The following PLCB1 variants were observed in gnomAD, a reference collection of about 807,000 sequenced individuals.
PLCB1 encodes phospholipase C beta 1, also known as 1-phosphatidylinositol 4,5-bisphosphate phosphodiesterase beta-1.
A neutral mutation model predicts 161.8 loss-of-function variants in PLCB1; 46 were observed. That is an observed-to-expected ratio of 0.28 (90% CI 0.22 to 0.36). PLCB1 has a LOEUF of 0.36. Ranked by LOEUF, PLCB1 falls within the 10% of genes least tolerant of loss-of-function variation. The probability of loss-of-function intolerance (pLI) is 1.00; values close to 1 mark genes in which losing one functional copy is unlikely to be tolerated. For synonymous variants in PLCB1, 517 were observed against 503.7 expected (o/e 1.03, Z -0.35); for missense variants, 1,016 against 1,472.5 (o/e 0.69, Z 5.07).
rs1568573426 is a variant in PLCB1, at chr20:8,722,384, A to G, written c.1544A>G (p.Asp515Gly). The change falls in exon 15 of 32, where the codon GAT (aspartate) becomes GGT (glycine). Residue 515 changes from aspartate (D) to glycine (G), a missense_variant. Physicochemically the swap from Asp to Gly is moderately conservative, Grantham distance 94. Coordinates refer to ENST00000338037, the MANE Select transcript of PLCB1 (RefSeq NM_015192.4). The part of the protein sequence containing the change: ...GEADTESDDD[D>G]DDDDCKKSSM... ...GCTGATACGGAAAGTGACGACGACG[A>G]TGATGATGATGACTGTAAAAAATCT... 6.2e-7 allele frequency: 1 copy of G among 1,607,296 alleles called. No individual in the cohort carries two copies. Among genetic ancestry groups the G allele is most frequent in the Admixed American group, 1.7e-5 (1 of 58,920 alleles).
chr20:8,175,055 C>T (rs747676881), intron 2 of PLCB1, among the ~76,000 whole-genome samples: 29 of 152,030 alleles, frequency 1.9e-4, no homozygotes, highest in Non-Finnish European at 3.8e-4. Context: ...AGTGACAGAG[C>T]AAGACCCCAT....
chr20:8,289,149 T>C (rs1333557727), intron 2 of PLCB1, among the ~76,000 whole-genome samples: 1 of 152,208 alleles, frequency 6.6e-6, no homozygotes, highest in African/African-American at 2.4e-5. Flanking sequence ...TCTGCATGCT[T>C]CACTCCTAAC....
chr20:8,583,034 A>AACATTGATGAACCTT (rs72445006), intron 3 of PLCB1, among the ~76,000 whole-genome samples: 4 of 151,236 alleles, frequency 2.6e-5, no homozygotes, highest in African/African-American at 4.9e-5. Context: ...CACATGCTCC[A>AACATTGATGAACCTT]ACATTGATGA....
chr20:8,554,996 T>C (rs2123004167), intron 3 of PLCB1, among the ~76,000 whole-genome samples: 1 of 152,168 alleles, frequency 6.6e-6, no homozygotes, highest in Admixed American at 6.5e-5. Context: ...AAAATAAAGA[T>C]TTTTTTGGGA....
At chr20:8,276,685 A>G (rs1982562470) in intron 2 of PLCB1, among the ~76,000 whole-genome samples, 1 of 152,284 alleles carries the variant, frequency 6.6e-6, no homozygotes, top group East Asian at 1.9e-4. Flanking sequence ...GTTTGATAAA[A>G]TGGGATGTAA....
At chr20:8,857,224 A>T (rs1987098039) in intron 31 of PLCB1, among the ~76,000 whole-genome samples, 1 of 152,212 alleles carries the variant, frequency 6.6e-6, no homozygotes, top group Non-Finnish European at 1.5e-5. Flanking sequence ...CAACAGTATC[A>T]CTTTTGTCAT....
chr20:8,781,945 T>A (rs964869234), intron 27 of PLCB1, among the ~76,000 whole-genome samples: 1 of 152,080 alleles, frequency 6.6e-6, no homozygotes, highest in Non-Finnish European at 1.5e-5. Flanking sequence ...ACGATGAGAT[T>A]TGGGTGGGGA....
chr20:8,449,392 G>A (rs1290122034), intron 3 of PLCB1, among the ~76,000 whole-genome samples: 1 of 152,214 alleles, frequency 6.6e-6, no homozygotes, highest in East Asian at 1.9e-4. Flanking sequence ...TTCAGCACAA[G>A]TGCTGTAGAC....
chr20:8,245,849 C>T (rs73084334), intron 2 of PLCB1, among the ~76,000 whole-genome samples: 12,111 of 151,796 alleles, frequency 0.08, 550 homozygotes, highest in East Asian at 0.12. Flanking sequence ...TTTACAATAA[C>T]GAAATGTGGT....
chr20:8,288,935 C>T (rs570344224), intron 2 of PLCB1, among the ~76,000 whole-genome samples: 2 of 152,204 alleles, frequency 1.3e-5, no homozygotes, highest in African/African-American at 4.8e-5. Flanking sequence ...CTCCAGAGCA[C>T]ATCAGTGTTG....
chr20:8,421,935 G>A (rs1333304703), intron 3 of PLCB1, among the ~76,000 whole-genome samples: 2 of 152,184 alleles, frequency 1.3e-5, no homozygotes, highest in Non-Finnish European at 2.9e-5. Flanking sequence ...TCTTCACTTC[G>A]TTGAAGTTAA....
chr20:8,233,694 C>T (rs147378362), intron 2 of PLCB1, among the ~76,000 whole-genome samples: 8 of 152,244 alleles, frequency 5.3e-5, no homozygotes, highest in African/African-American at 1.9e-4. Context: ...CAGAGGTCCT[C>T]ACATCCCCCT....
chr20:8,537,209 G>A (rs767947632), intron 3 of PLCB1, among the ~76,000 whole-genome samples: 98 of 152,210 alleles, frequency 6.4e-4, no homozygotes, highest in Non-Finnish European at 2.5e-4. Flanking sequence ...AGAAAGTAAA[G>A]TACACTTGGA....
chr20:8,575,107 C>T (rs1162322858), intron 3 of PLCB1, among the ~76,000 whole-genome samples: 1 of 152,196 alleles, frequency 6.6e-6, no homozygotes, highest in Non-Finnish European at 1.5e-5. Context: ...GACATGGAGG[C>T]TCAGTGATAC....
intron 2 of PLCB1, among the ~76,000 whole-genome samples, chr20:8,339,525 C>G (rs1985719504): frequency 6.6e-6 from 1 of 152,202 alleles, no homozygotes. Flanking sequence ...AAAGTTACAC[C>G]ATGCAGACTG....
chr20:8,354,664 C>T lies in PLCB1; in HGVS notation c.178-16718C>T, dbSNP rs186771708. Among the ~76,000 whole-genome samples, 211 of 152,184 alleles carry T rather than the reference C, an allele frequency of 1.4e-3. 1 individual carries two copies. The highest frequency in any genetic ancestry group is 2.6e-3 in the Non-Finnish European group (175 of 67,984). On this transcript the variant is annotated intron_variant, in intron 2 of 31. Transcript: ENST00000338037. ...TGGCCCCGAATACTGGCCCTCTGAGCGGAGGAGAGTTGGGGAAATCAGATG... is the reference window on the plus strand; with the variant it reads ...TGGCCCCGAATACTGGCCCTCTGAGTGGAGGAGAGTTGGGGAAATCAGATG...
At chr20:8,681,120 A>ATATATATAAT (rs1225874515) in intron 9 of PLCB1, among the ~76,000 whole-genome samples, 1 of 53,860 alleles carries the variant, frequency 1.9e-5, no homozygotes, top group Non-Finnish European at 3.8e-5. Context: ...ATATATATAT[A>ATATATATAAT]ATATATATAA....
At chr20:8,502,133 A>G (rs966107321) in intron 3 of PLCB1, among the ~76,000 whole-genome samples, 2 of 151,930 alleles carry the variant, frequency 1.3e-5, no homozygotes, top group African/African-American at 2.4e-5. Flanking sequence ...TGACTATTGC[A>G]TTAGATTTTA....
At chr20:8,501,864 CATATATATATATATATATATATATATAT>C (rs36226867) in intron 3 of PLCB1, among the ~76,000 whole-genome samples, 3,284 of 104,704 alleles carry the variant, frequency 0.031, 221 homozygotes, top group African/African-American at 0.11. Context: ...AGATATATCG[CATATATATATATATATATATATATATAT>C]ATATATATAT....
Sources: gnomAD v4.1 joint callset for allele counts (sites outside exome capture counted in the v4.1 genomes callset) on GRCh38, gnomAD v4.1.1 for gene constraint, MANE v1.5 for transcripts, NCBI Gene and HGNC (gene_info 2026-07-23, HGNC 2026-07-21) for gene names.